The following SORCS3 variants were observed in gnomAD, a reference collection of about 807,000 sequenced individuals.
The protein encoded by SORCS3 is VPS10 domain-containing receptor SorCS3.
A neutral mutation model predicts 146.3 loss-of-function variants in SORCS3; 57 were observed. The ratio of observed to expected loss-of-function variants is 0.39; its 90% CI spans 0.31 to 0.49. The LOEUF is 0.49. Ranked by LOEUF, SORCS3 falls within the 20% of genes least tolerant of loss-of-function variation. SORCS3 has a pLI of 0.92. For synonymous variants in SORCS3, 653 were observed against 618.5 expected (o/e 1.06, Z -0.83); for missense variants, 1,341 against 1,575.5 (o/e 0.85, Z 2.52).
intron 3 of SORCS3, 31 bp from the exon 4 acceptor site, chr10:104,977,304 G>T (rs780319368): frequency 1.3e-6 from 2 of 1,540,244 alleles, no homozygotes; most frequent in African/African-American, 1.4e-5. Context: ...TACTAACTCT[G>T]TCTGTATATG....
At chr10:104,790,957 A>G (rs2017489482) in intron 1 of SORCS3, among the ~76,000 whole-genome samples, 1 of 152,218 alleles carries the variant, frequency 6.6e-6, no homozygotes, top group Non-Finnish European at 1.5e-5. Context: ...TGCTTTGCAT[A>G]AGGACTAAAA....
chr10:105,185,473 G>C (rs1224021009), intron 14 of SORCS3, among the ~76,000 whole-genome samples: 1 of 152,064 alleles, frequency 6.6e-6, no homozygotes, highest in African/African-American at 2.4e-5. Flanking sequence ...TGTCCTCTCC[G>C]GCTGTCCCGT....
intron 10 of SORCS3, among the ~76,000 whole-genome samples, chr10:105,158,216 T>C (rs1043059477): frequency 2.6e-5 from 4 of 152,174 alleles, no homozygotes; most frequent in African/African-American, 9.7e-5. Flanking sequence ...GATTTTCTCT[T>C]TCTTTCTATT....
chr10:105,136,854 G>C (rs1290711612), intron 7 of SORCS3, among the ~76,000 whole-genome samples: 1 of 152,046 alleles, frequency 6.6e-6, no homozygotes, highest in African/African-American at 2.4e-5. Context: ...TTATGTTTTG[G>C]ACCATTCGAC....
At chr10:104,688,824 G>A (rs777320572) in intron 1 of SORCS3, among the ~76,000 whole-genome samples, 1 of 152,122 alleles carries the variant, frequency 6.6e-6, no homozygotes, top group Non-Finnish European at 1.5e-5. Flanking sequence ...CCAGGAACCT[G>A]CCCAACGTGG....
At chr10:104,805,273 A>C (rs1159056777) in intron 1 of SORCS3, among the ~76,000 whole-genome samples, 1 of 152,220 alleles carries the variant, frequency 6.6e-6, no homozygotes, top group Non-Finnish European at 1.5e-5. Flanking sequence ...ATTCCAGTTG[A>C]AGGGCCTGGG....
At chr10:105,087,361 T>C (rs959824600) in intron 5 of SORCS3, among the ~76,000 whole-genome samples, 1 of 152,082 alleles carries the variant, frequency 6.6e-6, no homozygotes, top group African/African-American at 2.4e-5. Context: ...CAGGTATACC[T>C]ATGTAACAAA....
chr10:104,974,267 A>G lies in SORCS3; in HGVS notation c.796-3068A>G, dbSNP rs576136447. ...GGTATACTTGTTAATTTTCTGTCTC[A>G]TTGATCTGTCTAATGTTGACAGTGG... On this transcript the variant is annotated intron_variant, in intron 3 of 26. Coordinates refer to ENST00000369701, the MANE Select transcript of SORCS3 (RefSeq NM_014978.3). Among the ~76,000 whole-genome samples the G allele has an allele frequency of 4.9e-3, 749 of 152,020 alleles. 5 individuals are homozygous for G. Among genetic ancestry groups the G allele is most frequent in the East Asian group, 0.024 (125 of 5,156 alleles).
At chr10:104,969,418 G>A (rs2054846198) in intron 3 of SORCS3, among the ~76,000 whole-genome samples, 1 of 151,794 alleles carries the variant, frequency 6.6e-6, no homozygotes, top group Admixed American at 6.6e-5. Flanking sequence ...CTTTTCTCCT[G>A]AGCCTCAGTT....
At chr10:105,034,385 C>T (rs1278322043) in intron 4 of SORCS3, among the ~76,000 whole-genome samples, 1 of 152,044 alleles carries the variant, frequency 6.6e-6, no homozygotes, top group Non-Finnish European at 1.5e-5. Context: ...TAAATGGGAA[C>T]CAATGTGGCT....
chr10:104,830,198 C>T (rs1475618741), intron 1 of SORCS3, among the ~76,000 whole-genome samples: 1 of 152,148 alleles, frequency 6.6e-6, no homozygotes, highest in Non-Finnish European at 1.5e-5. Flanking sequence ...TGATGGCTTC[C>T]AGCTTCATCC....
chr10:105,185,097 A>G (rs1261384978), intron 14 of SORCS3, among the ~76,000 whole-genome samples: 4 of 152,184 alleles, frequency 2.6e-5, no homozygotes, highest in Admixed American at 2.0e-4. Flanking sequence ...TTCACCTAAC[A>G]TAATGTCCTC....
chr10:104,974,502 A>C (rs2054882004), intron 3 of SORCS3, among the ~76,000 whole-genome samples: 1 of 152,130 alleles, frequency 6.6e-6, no homozygotes, highest in African/African-American at 2.4e-5. Flanking sequence ...GTTTTATCAG[A>C]GACTAGGATT....
chr10:104,842,887 C>G lies in SORCS3; in HGVS notation c.695+28C>G. On this transcript the variant is annotated intron_variant, in intron 2 of 26. Coordinates refer to ENST00000369701, the MANE Select transcript of SORCS3 (RefSeq NM_014978.3). Reference sequence around the variant, plus strand: ...AAGCAGATTAGAGATTCTTAAGGAGCCACCCTGGCTTGGCTCACATGAGAA... The same window carrying G: ...AAGCAGATTAGAGATTCTTAAGGAGGCACCCTGGCTTGGCTCACATGAGAA... 1.9e-6 allele frequency: 3 copies of G among 1,584,850 alleles called. No individual in the cohort carries two copies. The South Asian group carries it at 3.3e-5, about 18-fold the overall frequency.
chr10:104,661,270 AGTCTT>A (rs2133247942), intron 1 of SORCS3, among the ~76,000 whole-genome samples: 1 of 152,252 alleles, frequency 6.6e-6, no homozygotes, highest in South Asian at 2.1e-4. Context: ...AATGAGGACG[AGTCTT>A]GTAATATTCA....
intron 6 of SORCS3, among the ~76,000 whole-genome samples, chr10:105,101,383 G>A (rs1246661027): frequency 3.3e-5 from 5 of 152,050 alleles, no homozygotes; most frequent in Non-Finnish European, 7.4e-5. Context: ...CCCCTACTTC[G>A]GTTCTCTCCT....
intron 20 of SORCS3, among the ~76,000 whole-genome samples, chr10:105,239,189 T>A (rs2119709906): frequency 6.6e-6 from 1 of 152,294 alleles, no homozygotes; most frequent in Middle Eastern, 3.4e-3. Flanking sequence ...TTAAGATTTT[T>A]TATATAGTTC....
At chr10:104,866,322 C>A (rs571559100) in intron 2 of SORCS3, among the ~76,000 whole-genome samples, 2 of 152,270 alleles carry the variant, frequency 1.3e-5, no homozygotes, top group Admixed American at 1.3e-4. Flanking sequence ...AAAAACAAAT[C>A]ATCTACGTTG....
At chr10:104,921,742 G>A (rs2133604096) in intron 3 of SORCS3, among the ~76,000 whole-genome samples, 1 of 152,114 alleles carries the variant, frequency 6.6e-6, no homozygotes, top group African/African-American at 2.4e-5. Context: ...TTGGAAAATA[G>A]CTAATAAGAG....
Sources: allele counts gnomAD v4.1 joint callset (sites outside exome capture counted in the v4.1 genomes callset), GRCh38; gene constraint gnomAD v4.1.1; transcripts MANE v1.5; gene names NCBI Gene and HGNC (gene_info 2026-07-23, HGNC 2026-07-21).